Variants in GON4L observed in about 807,000 individuals in gnomAD.
GON4L encodes gon-4 like, also known as GON-4-like protein.
GON4L carries 87 observed loss-of-function variants against 211.8 expected under a neutral mutation model. That is an observed-to-expected ratio of 0.41 (90% confidence interval 0.35 to 0.49). The LOEUF (loss-of-function observed/expected upper bound fraction) is 0.49, where lower values mean the gene tolerates loss of function less well. GON4L is among the 20% of genes least tolerant of loss of function. GON4L has a pLI of 0.15. For synonymous variants in GON4L, 875 were observed against 962.6 expected (o/e 0.91, Z 1.68); for missense variants, 2,155 against 2,659.5 (o/e 0.81, Z 4.17).
chr1:155,806,222 G>A (rs558519343), intron 10 of GON4L, among the ~76,000 whole-genome samples: 3 of 149,782 alleles, frequency 2.0e-5, no homozygotes, highest in Non-Finnish European at 4.4e-5. Flanking sequence ...GTACGATCTC[G>A]GATCACTGCA....
chr1:155,781,495 TTC>T (rs751172808), intron 14 of GON4L, among the ~76,000 whole-genome samples: 2 of 151,762 alleles, frequency 1.3e-5, no homozygotes, highest in East Asian at 3.9e-4. Context: ...TGGAGTCTTT[TTC>T]TCTCTCTCAG....
chr1:155,759,422 T>C (rs1661532476), intron 24 of GON4L, among the ~76,000 whole-genome samples: 1 of 151,960 alleles, frequency 6.6e-6, no homozygotes, highest in Admixed American at 6.6e-5. Flanking sequence ...AAATACAAAA[T>C]TAGCCAGGCG....
At chr1:155,830,478 T>A (rs916875149) in intron 2 of GON4L, among the ~76,000 whole-genome samples, 7 of 151,872 alleles carry the variant, frequency 4.6e-5, no homozygotes, top group African/African-American at 1.7e-4. Flanking sequence ...GGTTTCTCCA[T>A]GTTGGTCAGG....
chr1:155,781,406 A>G (rs146940522), intron 14 of GON4L, among the ~76,000 whole-genome samples: 7 of 151,918 alleles, frequency 4.6e-5, no homozygotes, highest in Non-Finnish European at 8.8e-5. Flanking sequence ...TCGGCATCCC[A>G]AAGTGCTGGG....
chr1:155,814,179 T>A, intron 9 of GON4L, 151 bp downstream of exon 9: 1 of 840,152 alleles, frequency 1.2e-6, no homozygotes, highest in Non-Finnish European at 2.0e-6. Context: ...TATCACTGAG[T>A]TCTAGCCTTC....
intron 24 of GON4L, among the ~76,000 whole-genome samples, chr1:155,759,065 T>C (rs998117209): frequency 1.3e-5 from 2 of 152,094 alleles, no homozygotes; most frequent in East Asian, 1.9e-4. Context: ...GGAGCAATCA[T>C]GGCTGAGTGA....
chr1:155,851,588 C>T (rs1035524787), intron 2 of GON4L, among the ~76,000 whole-genome samples: 17 of 151,574 alleles, frequency 1.1e-4, no homozygotes, highest in African/African-American at 3.6e-4. Context: ...CGGTGGCGGG[C>T]GCCTGTAATA....
intron 1 of GON4L, among the ~76,000 whole-genome samples, chr1:155,854,669 T>C (rs907269729): frequency 9.2e-5 from 14 of 152,216 alleles, no homozygotes; most frequent in South Asian, 4.1e-4. Flanking sequence ...ATGTTTGCTA[T>C]TGCTGTTTTC....
At chr1:155,854,754 C>T (rs1672115010) in intron 1 of GON4L, among the ~76,000 whole-genome samples, 1 of 152,188 alleles carries the variant, frequency 6.6e-6, no homozygotes, top group South Asian at 2.1e-4. Flanking sequence ...GCTATGTTGG[C>T]TGGGCACGAG....
At chr1:155,790,610 T>A (rs1246007495) in intron 12 of GON4L, among the ~76,000 whole-genome samples, 2 of 152,060 alleles carry the variant, frequency 1.3e-5, no homozygotes, top group Non-Finnish European at 2.9e-5. Flanking sequence ...TCTGCAGCTG[T>A]GAAACCCGCA....
chr1:155,855,979 CAAAAAAAAAAAAAA>C (rs755007254), intron 1 of GON4L, among the ~76,000 whole-genome samples: 13 of 23,706 alleles, frequency 5.5e-4, no homozygotes, highest in Non-Finnish European at 5.8e-4. Flanking sequence ...GAGACTCTGT[CAAAAAAAAAAAAAA>C]AAAAAAAAAA....
At chr1:155,750,906 G>A (rs1557815512) in intron 31 of GON4L, among the ~76,000 whole-genome samples, 173 bp from the exon 32 acceptor site, 2 of 152,052 alleles carry the variant, frequency 1.3e-5, no homozygotes, top group Non-Finnish European at 2.9e-5. Context: ...TGGGATTACA[G>A]GTGCCCACCA....
At chr1:155,775,324 T>A in intron 16 of GON4L, 151 bp from the exon 17 acceptor site, 2 of 1,035,874 alleles carry the variant, frequency 1.9e-6, no homozygotes, top group Non-Finnish European at 2.9e-6. Flanking sequence ...ACTACTCTGT[T>A]AAGATTATGC....
At chr1:155,778,919 T>C (rs1664111382) in intron 14 of GON4L, among the ~76,000 whole-genome samples, 2 of 152,000 alleles carry the variant, frequency 1.3e-5, no homozygotes, top group South Asian at 4.1e-4. Flanking sequence ...GGTGGGATAC[T>C]ACATTTTCTT....
intron 6 of GON4L, among the ~76,000 whole-genome samples, chr1:155,819,310 G>C (rs924275892): frequency 1.5e-4 from 22 of 151,568 alleles, no homozygotes; most frequent in Admixed American, 3.3e-4. Flanking sequence ...AAATAAAAAG[G>C]GGGGGAGAAA....
intron 2 of GON4L, among the ~76,000 whole-genome samples, chr1:155,832,277 C>G (rs1669853632): frequency 3.0e-5 from 1 of 32,996 alleles, no homozygotes; most frequent in African/African-American, 9.8e-5. Flanking sequence ...AAGACTCCGT[C>G]TCAAAAAAAA....
chr1:155,770,920 A>G (rs1326009108), intron 19 of GON4L, 147 bp downstream of exon 19: 33 of 1,151,266 alleles, frequency 2.9e-5, no homozygotes, highest in Non-Finnish European at 3.6e-5. Flanking sequence ...ATATTGCCCA[A>G]AAGGCAATAG....
In GON4L at chr1:155,765,057, C is replaced by T. The variant is rs200788177; in HGVS notation, c.4416G>A (p.Glu1472=). 644 of 1,614,020 alleles carry T rather than the reference C, an allele frequency of 4.0e-4. 1 individual carries two copies. Among genetic ancestry groups the T allele is most frequent in the Non-Finnish European group, 5.0e-4 (593 of 1,180,028 alleles). ...EEDFDDLTQD[E]EDEMSSASEE... is the part of the protein sequence containing the mutation. ...CAGAAGCTGATGACATTTCATCTTC[C>T]TCATCTTGGGTGAGGTCATCAAAGT... The change falls in exon 21 of 32, where the codon GAG becomes GAA. Residue 1472 remains glutamate (E), a synonymous_variant. Coordinates refer to ENST00000368331, the MANE Select transcript of GON4L (RefSeq NM_001282860.2).
chr1:155,764,912 T>A (rs745860516), intron 21 of GON4L, 88 bp downstream of exon 21: 8 of 1,607,908 alleles, frequency 5.0e-6, no homozygotes, highest in Non-Finnish European at 6.8e-6. Context: ...GGACTATCCA[T>A]AGTGCAGCAA....
Sources: allele counts gnomAD v4.1 joint callset (sites outside exome capture counted in the v4.1 genomes callset), GRCh38; gene constraint gnomAD v4.1.1; transcripts MANE v1.5; gene names NCBI Gene and HGNC (gene_info 2026-07-23, HGNC 2026-07-21).